The following C12orf54 variants were observed in gnomAD, a reference collection of about 807,000 sequenced individuals.
C12orf54 encodes the protein uncharacterized protein C12orf54.
In C12orf54, 24 loss-of-function variants were observed where a neutral mutation model predicts 26.4. The ratio of observed to expected loss-of-function variants is 0.91; its 90% CI spans 0.66 to 1.28. C12orf54 has a LOEUF of 1.28. Ranked by LOEUF, C12orf54 falls within the 50% of genes most tolerant of loss-of-function variation. C12orf54 has a pLI of 0.00. For missense variants in C12orf54, 154 were observed against 150.9 expected (o/e 1.02, Z -0.11); for synonymous variants, 54 against 47.0 (o/e 1.15, Z -0.61).
the C12orf54 span, among the ~76,000 whole-genome samples, chr12:48,467,667 T>C: frequency 2.0e-5 from 3 of 152,260 alleles, no homozygotes; most frequent in East Asian, 3.9e-4. Flanking sequence ...AGGGCTAAGA[T>C]GACAGATTAC....
chr12:48,477,027 A>G, the C12orf54 span, among the ~76,000 whole-genome samples: 1 of 152,244 alleles, frequency 6.6e-6, no homozygotes, highest in South Asian at 2.1e-4. Flanking sequence ...GTAAAAGAAC[A>G]GAAATAATAA....
At chr12:48,454,082 C>T in the C12orf54 span, among the ~76,000 whole-genome samples, 1 of 140,784 alleles carries the variant, frequency 7.1e-6, no homozygotes, top group East Asian at 2.3e-4. Flanking sequence ...CTCTCTCTCT[C>T]TCTTTTTTTG....
At chr12:48,471,009 A>C in the C12orf54 span, among the ~76,000 whole-genome samples, 3 of 152,168 alleles carry the variant, frequency 2.0e-5, no homozygotes, top group South Asian at 6.2e-4. Flanking sequence ...ATGTACAATT[A>C]AGTTATTTTT....
At chr12:48,488,788 G>A in intron 4 of C12orf54, 136 bp from the exon 5 acceptor site, 1 of 728,744 alleles carries the variant, frequency 1.4e-6, no homozygotes, top group Non-Finnish European at 2.3e-6. Context: ...GCGCTACAAA[G>A]CCACAGTCTC....
chr12:48,443,076 A>T, the C12orf54 span: 12 of 152,356 alleles, frequency 7.9e-5, no homozygotes, highest in Non-Finnish European at 1.5e-4. Context: ...AAACATTCAT[A>T]TGCAGAAATG....
At chr12:48,447,618 C>G in the C12orf54 span, among the ~76,000 whole-genome samples, 4 of 152,126 alleles carry the variant, frequency 2.6e-5, no homozygotes, top group Non-Finnish European at 4.4e-5. Flanking sequence ...CCATACATAA[C>G]CACTATCCTA....
At chr12:48,471,762 G>A in the C12orf54 span, among the ~76,000 whole-genome samples, 2 of 152,168 alleles carry the variant, frequency 1.3e-5, no homozygotes, top group African/African-American at 2.4e-5. Flanking sequence ...AGGATAGTTT[G>A]AAGTCAGGTA....
chr12:48,458,820 A>G, the C12orf54 span, among the ~76,000 whole-genome samples: 1 of 152,042 alleles, frequency 6.6e-6, no homozygotes, highest in South Asian at 2.1e-4. Context: ...TTAAGCATGC[A>G]TGAGCAGTCA....
At chr12:48,479,371 G>A (rs992048429), upstream of C12orf54, among the ~76,000 whole-genome samples, 7 of 152,050 alleles carry the variant, frequency 4.6e-5, no homozygotes, top group African/African-American at 7.2e-5. Flanking sequence ...GTGTGGTGGC[G>A]GGAGTGGGGA....
chr12:48,455,510 T>A, the C12orf54 span, among the ~76,000 whole-genome samples: 4 of 152,196 alleles, frequency 2.6e-5, no homozygotes, highest in Non-Finnish European at 5.9e-5. Flanking sequence ...GTTACAGATC[T>A]CAGAGAAACG....
the C12orf54 span, among the ~76,000 whole-genome samples, chr12:48,414,808 C>T: frequency 6.6e-6 from 1 of 152,174 alleles, no homozygotes; most frequent in African/African-American, 2.4e-5. Flanking sequence ...GCACTGAAGG[C>T]TTGCTAACCC....
the C12orf54 span, among the ~76,000 whole-genome samples, chr12:48,433,535 C>T: frequency 6.6e-6 from 1 of 151,948 alleles, no homozygotes; most frequent in Non-Finnish European, 1.5e-5. Context: ...GCAAGCTCCG[C>T]CACCCAGGTT....
At chr12:48,463,539 G>T in the C12orf54 span, among the ~76,000 whole-genome samples, 29 of 151,620 alleles carry the variant, frequency 1.9e-4, no homozygotes, top group African/African-American at 7.0e-4. Flanking sequence ...AAAAATTGAG[G>T]AGGAGGGACT....
the C12orf54 span, among the ~76,000 whole-genome samples, chr12:48,429,049 G>A: frequency 6.6e-6 from 1 of 152,118 alleles, no homozygotes; most frequent in Non-Finnish European, 1.5e-5. Flanking sequence ...CACATAAACA[G>A]AATTAAAAAC....
chr12:48,434,274 C>T, the C12orf54 span, among the ~76,000 whole-genome samples: 2 of 152,236 alleles, frequency 1.3e-5, no homozygotes, highest in African/African-American at 4.8e-5. Flanking sequence ...GAAGCTCGAA[C>T]TGGGTGCAGC....
At chr12:48,476,049 C>T in the C12orf54 span, among the ~76,000 whole-genome samples, 157 of 151,974 alleles carry the variant, frequency 1.0e-3, no homozygotes, top group Non-Finnish European at 1.8e-3. Flanking sequence ...GCTGATCTCT[C>T]GGCAGAAACT....
At chr12:48,436,274 C>G in the C12orf54 span, among the ~76,000 whole-genome samples, 1 of 152,138 alleles carries the variant, frequency 6.6e-6, no homozygotes, top group African/African-American at 2.4e-5. Context: ...CCTGAGTGAC[C>G]TACAAACAGA....
At chr12:48,413,515 A>C in the C12orf54 span, among the ~76,000 whole-genome samples, 1 of 152,188 alleles carries the variant, frequency 6.6e-6, no homozygotes, top group African/African-American at 2.4e-5. Context: ...AGAGAAGGCA[A>C]AAGAAAAGCT....
At chr12:48,414,865 A>T in the C12orf54 span, among the ~76,000 whole-genome samples, 1 of 152,090 alleles carries the variant, frequency 6.6e-6, no homozygotes, top group Non-Finnish European at 1.5e-5. Context: ...GTTTGGCAGG[A>T]CCTGATCTTC....
Sources: gnomAD v4.1 joint callset for allele counts (sites outside exome capture counted in the v4.1 genomes callset) on GRCh38, gnomAD v4.1.1 for gene constraint, MANE v1.5 for transcripts, NCBI Gene and HGNC (gene_info 2026-07-23, HGNC 2026-07-21) for gene names.